SCO1: variants seen among roughly 807,000 people sequenced by gnomAD.
The protein encoded by SCO1 is synthesis of cytochrome C oxidase 1, also known as cytochrome c oxidase assembly factor SCO1.
A neutral mutation model predicts 34.0 loss-of-function variants in SCO1; 23 were observed. That is an observed-to-expected ratio of 0.68 (90% confidence interval 0.49 to 0.96). The LOEUF is 0.96. SCO1 is among the 40% of genes least tolerant of loss of function. SCO1 has a pLI of 0.00. For missense variants in SCO1, 404 were observed against 381.6 expected (o/e 1.06, Z -0.49); for synonymous variants, 161 against 145.5 (o/e 1.11, Z -0.77).
chr17:10,681,257 C>T lies in SCO1; in HGVS notation c.772-4G>A. 1 of 1,613,898 alleles carries T rather than the reference C, an allele frequency of 6.2e-7. No homozygotes were observed. Among genetic ancestry groups the T allele is most frequent in the Non-Finnish European group, 8.5e-7 (1 of 1,179,960 alleles). Reference sequence around the variant, plus strand: ...ACATTATTATTGTGTGATCCACCTGCAGAGAAAAGGGGGGAGAGTGTGACA... The same window carrying T: ...ACATTATTATTGTGTGATCCACCTGTAGAGAAAAGGGGGGAGAGTGTGACA... On this transcript the variant is annotated splice_region_variant and splice_polypyrimidine_tract_variant and intron_variant, in intron 5 of 5. Transcript: ENST00000255390.
In SCO1 at chr17:10,679,125, T is replaced by G. The variant is rs1323354485; in HGVS notation, c.*1994A>C. The G allele has an allele frequency of 2.0e-5, 3 of 152,298 alleles. No individual in the cohort carries two copies. Among genetic ancestry groups the G allele is most frequent in the Admixed American group, 2.0e-4 (3 of 15,278 alleles). 9.4% of individuals were successfully genotyped at this position (152,298 alleles called of 1,614,324 possible). A position where few individuals can be genotyped will look rare whatever the true frequency, so the allele number is the denominator to read the frequency against. ...CATGCCCGGCTAATTTTTGTATTTT[T>G]AGGAGAGAGACGACGTTTCACCATG... On this transcript the variant is annotated 3_prime_UTR_variant, in exon 6 of 6. Transcript: ENST00000255390.
At chr17:10,687,048 C>A (rs943681713) in intron 4 of SCO1, among the ~76,000 whole-genome samples, 1 of 152,086 alleles carries the variant, frequency 6.6e-6, no homozygotes, top group Non-Finnish European at 1.5e-5. Context: ...TAAGTCAAAT[C>A]TTTTTATGAC....
At chr17:10,684,062 A>C (rs754171561) in intron 5 of SCO1, 1 of 152,240 alleles carries the variant, frequency 6.6e-6, no homozygotes, top group Non-Finnish European at 1.5e-5. Context: ...TGGATGATTT[A>C]GCAAATGTAC....
intron 4 of SCO1, among the ~76,000 whole-genome samples, chr17:10,690,914 AAT>A (rs1175545488): frequency 6.6e-6 from 1 of 152,192 alleles, no homozygotes; most frequent in Non-Finnish European, 1.5e-5. Context: ...GGATACTATT[AAT>A]ATGTTAAATG....
chr17:10,693,873 T>C (rs2074706336), intron 2 of SCO1, among the ~76,000 whole-genome samples: 1 of 152,124 alleles, frequency 6.6e-6, no homozygotes. Context: ...ATAAAGAGAA[T>C]ATGGATTTAA....
rs2074615338 is a variant in SCO1, at chr17:10,680,587, A to G, written c.*532T>C. ...CTGATAGTGATATTCATTAATAAGG[A>G]AAACTAAAGTTTTCAAGCATCAACT... On this transcript the variant is annotated 3_prime_UTR_variant, in exon 6 of 6. Coordinates refer to ENST00000255390, the MANE Select transcript of SCO1 (RefSeq NM_004589.4). 6.3e-6 allele frequency: 1 copy of G among 159,426 alleles called. No individual in the cohort carries two copies. The highest frequency in any genetic ancestry group is 1.8e-4 in the South Asian group (1 of 5,694). 9.9% of individuals were successfully genotyped at this position (159,426 alleles called of 1,614,324 possible). A position where few individuals can be genotyped will look rare whatever the true frequency, so the allele number is the denominator to read the frequency against.
chr17:10,678,277 T>C lies in SCO1; in HGVS notation c.*2842A>G, dbSNP rs996273668. 6.6e-6 allele frequency: 1 copy of C among 152,164 alleles called. No homozygotes were observed. Among genetic ancestry groups the C allele is most frequent in the South Asian group, 2.1e-4 (1 of 4,830 alleles). The allele number at this position is 152,164 out of a possible 1,614,324, so 9.4% of individuals were successfully genotyped here. A position where few individuals can be genotyped will look rare whatever the true frequency, so the allele number is the denominator to read the frequency against. On this transcript the variant is annotated 3_prime_UTR_variant, in exon 6 of 6. Coordinates refer to ENST00000255390, the MANE Select transcript of SCO1 (RefSeq NM_004589.4). Reference sequence around the variant, plus strand: ...GAACAAACAGGAACCTACCTAGAAATTGGGACCCGAGTTTTGCGCCTTAAT... The same window carrying C: ...GAACAAACAGGAACCTACCTAGAAACTGGGACCCGAGTTTTGCGCCTTAAT...
In SCO1 at chr17:10,678,990, G is replaced by A. The variant is rs1567572062; in HGVS notation, c.*2129C>T. The A allele has an allele frequency of 6.6e-6, 1 of 152,094 alleles. No individual in the cohort carries two copies. Among genetic ancestry groups the A allele is most frequent in the Non-Finnish European group, 1.5e-5 (1 of 68,128 alleles). 9.4% of individuals were successfully genotyped at this position (152,094 alleles called of 1,614,324 possible). ...AGACGGAGTCTTGCTCTGTCGCCCAGGCTGGAGTACGATGGCGCAATCTTG... is the reference window on the plus strand; with the variant it reads ...AGACGGAGTCTTGCTCTGTCGCCCAAGCTGGAGTACGATGGCGCAATCTTG... On this transcript the variant is annotated 3_prime_UTR_variant, in exon 6 of 6. Transcript: ENST00000255390.
chr17:10,678,536 C>T lies in SCO1; in HGVS notation c.*2583G>A, dbSNP rs1444546999. 4 of 152,134 alleles carry T rather than the reference C, an allele frequency of 2.6e-5. No individual in the cohort carries two copies. The highest frequency in any genetic ancestry group is 9.7e-5 in the African/African-American group (4 of 41,414). 9.4% of individuals were successfully genotyped at this position (152,134 alleles called of 1,614,324 possible). The stretch of plus-strand genomic sequence containing the variant: ...ATCTTATCTAAGAGCAAACTTGCTG[C>T]AAAGGGATCCACACAAATGTTTTGT... On this transcript the variant is annotated 3_prime_UTR_variant, in exon 6 of 6. Coordinates refer to ENST00000255390, the MANE Select transcript of SCO1 (RefSeq NM_004589.4).
At chr17:10,693,978 C>G (rs2074706899) in intron 2 of SCO1, among the ~76,000 whole-genome samples, 2 of 152,108 alleles carry the variant, frequency 1.3e-5, no homozygotes, top group South Asian at 4.2e-4. Context: ...ATACGTATGT[C>G]AATACAAATC....
Position 10,697,532 on chromosome 17 carries a change from T to C in SCO1, c.-25A>G, listed in dbSNP as rs199940591. 65 of 1,612,426 alleles carry C rather than the reference T, an allele frequency of 4.0e-5. No homozygotes were observed. The highest frequency in any genetic ancestry group is 4.3e-5 in the Non-Finnish European group (51 of 1,179,636). ...TGAGCCTCGGAGACCGGGTCTCCTTTGACCCTCCCCGCGATTTCCGGTAGC... is the reference window on the plus strand; with the variant it reads ...TGAGCCTCGGAGACCGGGTCTCCTTCGACCCTCCCCGCGATTTCCGGTAGC... On this transcript the variant is annotated 5_prime_UTR_variant, in exon 1 of 6. Coordinates refer to ENST00000255390, the MANE Select transcript of SCO1 (RefSeq NM_004589.4).
rs184241600 is a variant in SCO1 at position 10,682,896 on chromosome 17, C to T, written c.772-1643G>A. Among the ~76,000 whole-genome samples, 186 of 152,286 alleles carry T rather than the reference C, an allele frequency of 1.2e-3. 1 individual carries two copies. The highest frequency in any genetic ancestry group is 3.8e-3 in the African/African-American group (159 of 41,546). On this transcript the variant is annotated intron_variant, in intron 5 of 5. Transcript: ENST00000255390. The stretch of plus-strand genomic sequence containing the variant: ...AGTAAATTATATAATTGGTAAGTGC[C>T]AGGCCTAACTTTAAAACCTAGAATC...
At position 10,677,320 on chromosome 17, in the gene SCO1, C is replaced by CA. The variant is rs1254949256; in HGVS notation, c.*3798dup. 1 of 151,792 alleles carries CA rather than the reference C, an allele frequency of 6.6e-6. No homozygotes were observed. Among genetic ancestry groups the CA allele is most frequent in the Non-Finnish European group, 1.5e-5 (1 of 67,916 alleles). The allele number at this position is 151,792 out of a possible 1,614,324, so 9.4% of individuals were successfully genotyped here. A position where few individuals can be genotyped will look rare whatever the true frequency, so the allele number is the denominator to read the frequency against. On this transcript the variant is annotated 3_prime_UTR_variant, in exon 6 of 6. Coordinates refer to ENST00000255390, the MANE Select transcript of SCO1 (RefSeq NM_004589.4). ...AGCGAGACTCCATCTCAAAAAGAAA[C>CA]AAATAACAACAACAAAATAAAAACC...
chr17:10,688,426 T>C (rs553682793), intron 4 of SCO1, among the ~76,000 whole-genome samples: 2 of 152,298 alleles, frequency 1.3e-5, no homozygotes, highest in Non-Finnish European at 2.9e-5. Context: ...AGAAAATGTA[T>C]GCCAAAACCA....
chr17:10,685,611 C>T (rs2074650868), intron 5 of SCO1, among the ~76,000 whole-genome samples: 1 of 152,204 alleles, frequency 6.6e-6, no homozygotes, highest in African/African-American at 2.4e-5. Flanking sequence ...GCCTAACTGT[C>T]CAAGGCATAT....
intron 4 of SCO1, among the ~76,000 whole-genome samples, chr17:10,691,221 G>A (rs1213784787): frequency 2.0e-5 from 3 of 152,162 alleles, no homozygotes; most frequent in Non-Finnish European, 2.9e-5. Context: ...CCAGGTTCAC[G>A]CGAATTCTCC....
chr17:10,691,249 T>C (rs2074687595), intron 4 of SCO1, among the ~76,000 whole-genome samples: 1 of 152,184 alleles, frequency 6.6e-6, no homozygotes, highest in East Asian at 1.9e-4. Context: ...GCCTCCCGAA[T>C]ATCTGGGATT....
In SCO1 at chr17:10,677,296, G is replaced by GC. The variant is rs1428665121; in HGVS notation, c.*3822dup. ...TTGCATTCCAGCCTGCGTGAGAAGA[G>GC]CGAGACTCCATCTCAAAAAGAAACA... On this transcript the variant is annotated 3_prime_UTR_variant, in exon 6 of 6. Coordinates refer to ENST00000255390, the MANE Select transcript of SCO1 (RefSeq NM_004589.4). 6.6e-6 allele frequency: 1 copy of GC among 152,100 alleles called. No homozygotes were observed. Among genetic ancestry groups the GC allele is most frequent in the Non-Finnish European group, 1.5e-5 (1 of 68,030 alleles). The allele number at this position is 152,100 out of a possible 1,614,324, so 9.4% of individuals were successfully genotyped here. A position where few individuals can be genotyped will look rare whatever the true frequency, so the allele number is the denominator to read the frequency against.
Position 10,678,628 on chromosome 17 carries a change from G to A in SCO1, c.*2491C>T, listed in dbSNP as rs1050261932. The stretch of plus-strand genomic sequence containing the variant: ...ATACTTAATATCTCTTTTGTTAAAT[G>A]AGAATAGTCTTTTAGTAAGTTCCTT... On this transcript the variant is annotated 3_prime_UTR_variant, in exon 6 of 6. Coordinates refer to ENST00000255390, the MANE Select transcript of SCO1 (RefSeq NM_004589.4). 2.6e-5 allele frequency: 4 copies of A among 152,172 alleles called. No homozygotes were observed. Among genetic ancestry groups the A allele is most frequent in the African/African-American group, 7.2e-5 (3 of 41,422 alleles). 9.4% of individuals were successfully genotyped at this position (152,172 alleles called of 1,614,324 possible).
Sources: gnomAD v4.1 joint callset for allele counts (sites outside exome capture counted in the v4.1 genomes callset) on GRCh38, gnomAD v4.1.1 for gene constraint, MANE v1.5 for transcripts, NCBI Gene and HGNC (gene_info 2026-07-23, HGNC 2026-07-21) for gene names.